The following KLF12 variants were observed in gnomAD, a reference collection of about 807,000 sequenced individuals.
The protein encoded by KLF12 is KLF transcription factor 12.
In KLF12, 9 loss-of-function variants were observed where a neutral mutation model predicts 37.8. That is an observed-to-expected ratio of 0.24 (90% CI 0.14 to 0.42). The LOEUF (loss-of-function observed/expected upper bound fraction) is 0.42. Among genes scored for constraint, KLF12 ranks in the 10% least tolerant of loss-of-function variants. The probability of loss-of-function intolerance (pLI) is 1.00; values close to 1 mark genes in which losing one functional copy is unlikely to be tolerated. For missense variants in KLF12, 411 were observed against 516.0 expected (o/e 0.80, Z 1.97); for synonymous variants, 208 against 202.1 (o/e 1.03, Z -0.25).
At chr13:74,143,332 G>GAAATCAAATAC in the KLF12 span, among the ~76,000 whole-genome samples, 2 of 2,432 alleles carry the variant, frequency 8.2e-4, no homozygotes, top group African/African-American at 1.6e-3. Context: ...TTTTTATACA[G>GAAATCAAATAC]AATTCAAATA....
At chr13:73,713,733 C>T (rs939647333) in intron 7 of KLF12, among the ~76,000 whole-genome samples, 1 of 152,180 alleles carries the variant, frequency 6.6e-6, no homozygotes, top group African/African-American at 2.4e-5. Flanking sequence ...TCCTATACTG[C>T]CATGGAGTTA....
the KLF12 span, among the ~76,000 whole-genome samples, chr13:74,212,191 T>G: frequency 6.6e-6 from 1 of 152,230 alleles, no homozygotes; most frequent in Non-Finnish European, 1.5e-5. Context: ...TTTTTAAAAA[T>G]ATTCACGTGC....
chr13:74,035,455 C>T (rs1321168752), intron 1 of KLF12, among the ~76,000 whole-genome samples: 2 of 152,162 alleles, frequency 1.3e-5, no homozygotes, highest in Non-Finnish European at 2.9e-5. Context: ...ATTGCAGGAG[C>T]TGGCATCCAA....
the KLF12 span, among the ~76,000 whole-genome samples, chr13:74,274,629 T>A: frequency 6.6e-6 from 1 of 152,114 alleles, no homozygotes; most frequent in Admixed American, 6.6e-5. Context: ...CAATGTTGTA[T>A]ATTACCATTC....
chr13:73,759,067 A>G (rs935908326), intron 6 of KLF12, among the ~76,000 whole-genome samples: 5 of 152,176 alleles, frequency 3.3e-5, no homozygotes, highest in Non-Finnish European at 5.9e-5. Context: ...ATGTAACACC[A>G]CCCTGCAGGC....
chr13:74,131,339 G>A (rs1476764708), intron 1 of KLF12, among the ~76,000 whole-genome samples: 1 of 152,188 alleles, frequency 6.6e-6, no homozygotes, highest in Non-Finnish European at 1.5e-5. Flanking sequence ...ATGTTCTTCA[G>A]AATGAACGTC....
the KLF12 span, among the ~76,000 whole-genome samples, chr13:74,166,087 CTTTT>C: frequency 0.019 from 1,972 of 103,774 alleles, 43 homozygotes; most frequent in African/African-American, 0.066. Context: ...GCATAAACAC[CTTTT>C]TTTTTTTTTT....
chr13:73,944,037 G>A lies in KLF12; in HGVS notation c.67C>T (p.Leu23Phe), dbSNP rs375136358. The A allele has an allele frequency of 6.2e-7, 1 of 1,612,008 alleles. No homozygotes were observed. Among genetic ancestry groups the A allele is most frequent in the Non-Finnish European group, 8.5e-7 (1 of 1,178,854 alleles). ...ACTCTGACTGCCGGCATCCCATCAA[G>A]CATTAACATTCTGTTCTCAAAGGTG... Residue 23 changes from leucine to phenylalanine, a missense_variant, in exon 3 of 8, where the codon CTT becomes TTT. Transcript: ENST00000377669.
intron 1 of KLF12, among the ~76,000 whole-genome samples, chr13:74,124,506 A>C (rs936345772): frequency 6.6e-6 from 1 of 152,254 alleles, no homozygotes; most frequent in Non-Finnish European, 1.5e-5. Flanking sequence ...CGATCATTTA[A>C]AAGTAAAATA....
At chr13:74,241,686 G>T in the KLF12 span, among the ~76,000 whole-genome samples, 5 of 152,196 alleles carry the variant, frequency 3.3e-5, no homozygotes, top group South Asian at 1.0e-3. Context: ...GAAAAGCGCA[G>T]TATTCGGGTG....
At chr13:73,800,136 T>C (rs1013952037) in intron 5 of KLF12, 16 of 152,110 alleles carry the variant, frequency 1.1e-4, no homozygotes, top group Non-Finnish European at 1.8e-4. Context: ...AATATAACTA[T>C]GTTTCACAGA....
chr13:74,061,794 T>C (rs993113678), intron 1 of KLF12, among the ~76,000 whole-genome samples: 1 of 152,202 alleles, frequency 6.6e-6, no homozygotes, highest in Non-Finnish European at 1.5e-5. Flanking sequence ...TAAAGTATTG[T>C]AGAAATCAAG....
intron 1 of KLF12, among the ~76,000 whole-genome samples, chr13:74,050,605 A>G (rs1872849994): frequency 6.6e-6 from 1 of 152,204 alleles, no homozygotes; most frequent in Non-Finnish European, 1.5e-5. Context: ...GGTTTGAAGC[A>G]GGGATAACAA....
intron 6 of KLF12, among the ~76,000 whole-genome samples, chr13:73,746,677 T>C (rs537207086): frequency 2.0e-5 from 3 of 152,266 alleles, no homozygotes; most frequent in Admixed American, 2.0e-4. Flanking sequence ...TGAAGTTTGA[T>C]AAGAGTCTTA....
At chr13:74,284,226 T>C in the KLF12 span, among the ~76,000 whole-genome samples, 5 of 152,096 alleles carry the variant, frequency 3.3e-5, no homozygotes, top group Non-Finnish European at 5.9e-5. Context: ...GATCTTATAG[T>C]GAGTGGACCC....
chr13:74,273,709 T>C, the KLF12 span, among the ~76,000 whole-genome samples: 1 of 152,066 alleles, frequency 6.6e-6, no homozygotes, highest in Non-Finnish European at 1.5e-5. Context: ...TATTTTTGGC[T>C]TTTTAGAGAG....
chr13:74,253,132 G>A, the KLF12 span, among the ~76,000 whole-genome samples: 1 of 152,074 alleles, frequency 6.6e-6, no homozygotes, highest in Non-Finnish European at 1.5e-5. Flanking sequence ...TATTTCTAGA[G>A]AAATATCTAT....
chr13:74,050,493 G>A (rs1872844829), intron 1 of KLF12, among the ~76,000 whole-genome samples: 1 of 152,116 alleles, frequency 6.6e-6, no homozygotes, highest in African/African-American at 2.4e-5. Flanking sequence ...CTGAGGATGA[G>A]GGCTGTGTAC....
the KLF12 span, among the ~76,000 whole-genome samples, chr13:74,222,326 G>C: frequency 0.02 from 2,981 of 152,300 alleles, 64 homozygotes; most frequent in South Asian, 0.1. Context: ...TTGAAAAATA[G>C]TTTATGGTTT....
Sources: allele counts gnomAD v4.1 joint callset (sites outside exome capture counted in the v4.1 genomes callset), GRCh38; gene constraint gnomAD v4.1.1; transcripts MANE v1.5; gene names NCBI Gene and HGNC (gene_info 2026-07-23, HGNC 2026-07-21).